KCNH8: variants seen among roughly 807,000 people sequenced by gnomAD.
The protein encoded by KCNH8 is voltage-gated delayed rectifier potassium channel KCNH8.
A neutral mutation model predicts 103.6 loss-of-function variants in KCNH8; 70 were observed. The observed-to-expected ratio is 0.68, with a 90% CI of 0.56 to 0.82. The LOEUF (loss-of-function observed/expected upper bound fraction) is 0.82. Among genes scored for constraint, KCNH8 ranks in the 40% least tolerant of loss-of-function variants. The pLI is 0.00. For synonymous variants in KCNH8, 498 were observed against 489.4 expected (o/e 1.02, Z -0.23); for missense variants, 1,217 against 1,329.9 (o/e 0.92, Z 1.32).
At chr3:19,500,728 C>G (rs1001084382) in intron 11 of KCNH8, among the ~76,000 whole-genome samples, 2 of 152,038 alleles carry the variant, frequency 1.3e-5, no homozygotes, top group African/African-American at 4.8e-5. Context: ...TTCTTTGAAA[C>G]CAACGAGAAC....
chr3:19,458,878 C>G (rs756711870), intron 11 of KCNH8, among the ~76,000 whole-genome samples: 10 of 152,016 alleles, frequency 6.6e-5, no homozygotes, highest in Non-Finnish European at 1.0e-4. Context: ...GCATATTTCA[C>G]TAAGCATAAT....
intron 11 of KCNH8, among the ~76,000 whole-genome samples, chr3:19,505,009 CATATA>C (rs949583165): frequency 1.8e-4 from 27 of 150,018 alleles, no homozygotes; most frequent in Admixed American, 4.7e-4. Context: ...CTCTCACATT[CATATA>C]ATATATATGT....
At chr3:19,234,538 C>CG (rs1355247298) in intron 1 of KCNH8, among the ~76,000 whole-genome samples, 1 of 152,222 alleles carries the variant, frequency 6.6e-6, no homozygotes, top group Non-Finnish European at 1.5e-5. Context: ...AATCCGAGTG[C>CG]GGGGTCCGCG....
At chr3:19,216,405 A>G (rs1356867535) in intron 1 of KCNH8, among the ~76,000 whole-genome samples, 3 of 152,228 alleles carry the variant, frequency 2.0e-5, no homozygotes, top group African/African-American at 7.2e-5. Context: ...TGCCACATTT[A>G]TTTGAAATGG....
At chr3:19,167,792 A>G (rs1240520888) in intron 1 of KCNH8, among the ~76,000 whole-genome samples, 2 of 152,206 alleles carry the variant, frequency 1.3e-5, no homozygotes, top group Non-Finnish European at 2.9e-5. Flanking sequence ...ACAGTATCAC[A>G]ACCAGAAATT....
At chr3:19,266,103 C>T (rs959063682) in intron 2 of KCNH8, among the ~76,000 whole-genome samples, 11 of 152,098 alleles carry the variant, frequency 7.2e-5, no homozygotes, top group Admixed American at 4.6e-4. Context: ...AAAACACATG[C>T]TACTGTCTTA....
At chr3:19,504,964 G>GAC (rs1349332021) in intron 11 of KCNH8, among the ~76,000 whole-genome samples, 2 of 147,778 alleles carry the variant, frequency 1.4e-5, no homozygotes, top group African/African-American at 5.1e-5. Context: ...AAGAAAATGT[G>GAC]AGATATATAT....
rs539787004 is a variant in KCNH8 at position 19,266,762 on chromosome 3, A to G, written c.310+12875A>G. ...CTTGAGATGTTGTATACGTCTCCCT[A>G]TATTCTCACATAAACTCATTTTGCT... is the stretch of plus-strand genomic sequence containing the variant. On this transcript the variant is annotated intron_variant, in intron 2 of 15. Coordinates refer to ENST00000328405, the MANE Select transcript of KCNH8 (RefSeq NM_144633.3). Among the ~76,000 whole-genome samples the G allele has an allele frequency of 5.3e-4, 81 of 152,204 alleles. 4 individuals are homozygous for G. The highest frequency in any genetic ancestry group is 1.4e-4 in the African/African-American group (6 of 41,566).
At chr3:19,253,222 G>T (rs1267489611) in intron 1 of KCNH8, among the ~76,000 whole-genome samples, 1 of 152,028 alleles carries the variant, frequency 6.6e-6, no homozygotes, top group African/African-American at 2.4e-5. Flanking sequence ...AACTAATTAT[G>T]CTCAAATCTT....
chr3:19,400,002 T>G (rs2066586205), intron 7 of KCNH8, among the ~76,000 whole-genome samples: 1 of 151,842 alleles, frequency 6.6e-6, no homozygotes, highest in Non-Finnish European at 1.5e-5. Flanking sequence ...TGTTTCTGTC[T>G]GTAGATCCTG....
At chr3:19,323,673 A>AT (rs933443169) in intron 3 of KCNH8, among the ~76,000 whole-genome samples, 4 of 151,918 alleles carry the variant, frequency 2.6e-5, no homozygotes, top group Admixed American at 2.0e-4. Context: ...TGCTGTTCAG[A>AT]TTTTTTTGTC....
chr3:19,294,576 GCTTAAAC>G (rs1299337654), intron 3 of KCNH8, among the ~76,000 whole-genome samples: 3 of 152,146 alleles, frequency 2.0e-5, no homozygotes, highest in African/African-American at 7.2e-5. Flanking sequence ...TCATATAGAT[GCTTAAAC>G]TGATTTAAAA....
chr3:19,467,318 C>A (rs2067760464), intron 11 of KCNH8, among the ~76,000 whole-genome samples: 1 of 151,862 alleles, frequency 6.6e-6, no homozygotes, highest in African/African-American at 2.4e-5. Context: ...CACACACACA[C>A]ACACACACAT....
At chr3:19,356,452 G>C (rs2065883155) in intron 5 of KCNH8, among the ~76,000 whole-genome samples, 1 of 151,894 alleles carries the variant, frequency 6.6e-6, no homozygotes, top group Non-Finnish European at 1.5e-5. Context: ...AATATGAATG[G>C]TGAATCTCTA....
At chr3:19,375,299 T>G (rs2066175341) in intron 5 of KCNH8, among the ~76,000 whole-genome samples, 1 of 149,512 alleles carries the variant, frequency 6.7e-6, no homozygotes, top group Non-Finnish European at 1.5e-5. Context: ...GAGGCTTTGC[T>G]CATTTGTTTT....
At position 19,529,145 on chromosome 3, in the gene KCNH8, A is replaced by T. The variant is rs150195097; in HGVS notation, c.2620-4250A>T. 1.2e-4 allele frequency among the ~76,000 whole-genome samples: 18 copies of T among 152,200 alleles called. No individual in the cohort carries two copies. In the East Asian group the frequency reaches 3.5e-3, roughly 29 times the overall value. ...CAGGACATGGAGCCATTAAAAAATA[A>T]AGTAGGGTTTGTGAAGGGCTTTGTA... On this transcript the variant is annotated intron_variant, in intron 15 of 15. Coordinates refer to ENST00000328405, the MANE Select transcript of KCNH8 (RefSeq NM_144633.3).
chr3:19,379,340 A>C (rs368244912), intron 5 of KCNH8, among the ~76,000 whole-genome samples: 1 of 152,186 alleles, frequency 6.6e-6, no homozygotes, highest in Admixed American at 6.5e-5. Context: ...ACTGACAAGC[A>C]TTCAAATGCT....
At chr3:19,483,049 A>AT (rs1028294967) in intron 11 of KCNH8, among the ~76,000 whole-genome samples, 34 of 151,460 alleles carry the variant, frequency 2.2e-4, no homozygotes, top group African/African-American at 8.0e-4. Flanking sequence ...TTTTTTTTTA[A>AT]TTTTTTATAA....
chr3:19,513,283 T>C lies in KCNH8; in HGVS notation c.2393T>C (p.Leu798Pro). ...KRKEKNLKLQ[L>P]STLNNAGPPD... is the part of the protein sequence containing the mutation. ...AAAGAGAAGAACTTGAAATTGCAAC[T>C]TTCAACTTTGAATAATGCTGGACCC... is the stretch of plus-strand genomic sequence containing the variant. The change falls in exon 13 of 16, where the codon CTT (leucine) becomes CCT (proline). Residue 798 changes from leucine to proline, a missense_variant. Physicochemically the swap from Leu to Pro is moderately conservative, Grantham distance 98. Coordinates refer to ENST00000328405, the MANE Select transcript of KCNH8 (RefSeq NM_144633.3). 1 of 1,612,196 alleles carries C rather than the reference T, an allele frequency of 6.2e-7. No individual in the cohort carries two copies. The highest frequency in any genetic ancestry group is 8.5e-7 in the Non-Finnish European group (1 of 1,179,398).
Sources: allele counts gnomAD v4.1 joint callset (sites outside exome capture counted in the v4.1 genomes callset), GRCh38; gene constraint gnomAD v4.1.1; transcripts MANE v1.5; gene names NCBI Gene and HGNC (gene_info 2026-07-23, HGNC 2026-07-21).